SRSF12: variants seen among roughly 807,000 people sequenced by gnomAD.
SRSF12 encodes serine and arginine rich splicing factor 12.
Under a neutral mutation model 34.1 loss-of-function variants are expected in SRSF12, and 21 were observed. The ratio of observed to expected loss-of-function variants is 0.62; its 90% confidence interval spans 0.44 to 0.89. The LOEUF (loss-of-function observed/expected upper bound fraction) is 0.89. Among genes scored for constraint, SRSF12 ranks in the 40% least tolerant of loss-of-function variants. The probability of loss-of-function intolerance (pLI) is 0.00; values close to 1 mark genes in which losing one functional copy is unlikely to be tolerated. For synonymous variants in SRSF12, 111 were observed against 110.8 expected (o/e 1.00, Z -0.01); for missense variants, 278 against 327.8 (o/e 0.85, Z 1.17).
At chr6:89,099,538 G>GTTTT (rs201450623) in intron 4 of SRSF12, among the ~76,000 whole-genome samples, 1 of 126,234 alleles carries the variant, frequency 7.9e-6, no homozygotes, top group African/African-American at 3.2e-5. Context: ...ACACATACAT[G>GTTTT]TTTTTTTTTT....
At chr6:89,103,750 G>A (rs191293903) in intron 4 of SRSF12, among the ~76,000 whole-genome samples, 1,862 of 152,054 alleles carry the variant, frequency 0.012, 28 homozygotes, top group Non-Finnish European at 0.015. Context: ...GTGAGCCACT[G>A]CACCTGGTCC....
Position 89,105,157 on chromosome 6 carries a change from T to G in SRSF12, c.378A>C (p.Ser126=), listed in dbSNP as rs772119366. The G allele has an allele frequency of 8.2e-5, 133 of 1,612,724 alleles. No homozygotes were observed. The highest frequency in any genetic ancestry group is 1.1e-4 in the Non-Finnish European group (129 of 1,179,324). Residue 126 remains serine, a synonymous_variant, in exon 4 of 5, where the codon TCA becomes TCC. Coordinates refer to ENST00000452027, the MANE Select transcript of SRSF12 (RefSeq NM_080743.5). ...SQRRTRSRSS[S]WGRNRRRSDS... is the part of the protein sequence containing the mutation. ...CTGACCGCCTCCTATTTCTTCCCCA[T>G]GAAGAACTTCTACTTCGAGTTCTTC...
At position 89,098,631 on chromosome 6, in the gene SRSF12, G is replaced by T; in HGVS notation, c.733C>A (p.His245Asn). Residue 245 changes from histidine to asparagine, a missense_variant, in exon 5 of 5, where the codon CAT (histidine) becomes AAT (asparagine). By Grantham distance (68) the His-to-Asn change is moderately conservative. Transcript: ENST00000452027. Reference protein sequence around the residue: ...ETKVQTAKHSHFRSHSRSRSY... With the variant: ...ETKVQTAKHSNFRSHSRSRSY... Reference sequence around the variant, plus strand: ...CGAGATCTGGAATGTGACCGAAAATGAGAATGCTTTGCTGTTTGTACTTTA... The same window carrying T: ...CGAGATCTGGAATGTGACCGAAAATTAGAATGCTTTGCTGTTTGTACTTTA... 1 of 1,613,820 alleles carries T rather than the reference G, an allele frequency of 6.2e-7. No homozygotes were observed. The highest frequency in any genetic ancestry group is 1.1e-5 in the South Asian group (1 of 91,028).
intron 1 of SRSF12, among the ~76,000 whole-genome samples, chr6:89,115,700 G>A (rs1255476267): frequency 2.7e-5 from 4 of 148,116 alleles, no homozygotes; most frequent in Non-Finnish European, 5.9e-5. Flanking sequence ...GCAGTGGCGC[G>A]ATGTTGGCTC....
At chr6:89,102,499 TCA>T (rs549822843) in intron 4 of SRSF12, among the ~76,000 whole-genome samples, 14 of 152,250 alleles carry the variant, frequency 9.2e-5, no homozygotes, top group South Asian at 4.1e-4. Flanking sequence ...TGGAATAAAT[TCA>T]CAGTCTTTTA....
intron 1 of SRSF12, among the ~76,000 whole-genome samples, chr6:89,116,890 C>T (rs977192308): frequency 3.3e-5 from 5 of 152,096 alleles, no homozygotes; most frequent in Non-Finnish European, 5.9e-5. Flanking sequence ...TGTATCTATA[C>T]CTCTCTGGCC....
chr6:89,105,104 T>C lies in SRSF12; in HGVS notation c.416+15A>G, dbSNP rs1415013237. On this transcript the variant is annotated intron_variant, in intron 4 of 4. Transcript: ENST00000452027. ...AAAAAGTAGAAAATGAAATTTTCAG[T>C]CCTCTTATACTCACTCTTTAAGGCT... 1.3e-6 allele frequency: 2 copies of C among 1,554,164 alleles called. No individual in the cohort carries two copies. The highest frequency in any genetic ancestry group is 1.7e-6 in the Non-Finnish European group (2 of 1,148,726).
intron 1 of SRSF12, among the ~76,000 whole-genome samples, chr6:89,117,035 C>G (rs1016400875): frequency 6.6e-6 from 1 of 151,930 alleles, no homozygotes; most frequent in African/African-American, 2.4e-5. Context: ...CGTTCCCTCT[C>G]CCCCCGCCCC....
rs186215568 is a variant in SRSF12 at position 89,106,819 on chromosome 6, T to G, written c.170+335A>C. On this transcript the variant is annotated intron_variant, in intron 2 of 4. Coordinates refer to ENST00000452027, the MANE Select transcript of SRSF12 (RefSeq NM_080743.5). ...GAGTAAATGTAGGAAAGCCGAAGTCTCAACCTGGTGTTGGCTTTGTCTTTT... is the reference window on the plus strand; with the variant it reads ...GAGTAAATGTAGGAAAGCCGAAGTCGCAACCTGGTGTTGGCTTTGTCTTTT... 2.0e-4 allele frequency: 73 copies of G among 365,912 alleles called. No homozygotes were observed. In the East Asian group the frequency reaches 4.9e-3, roughly 25 times the overall value. The allele number at this position is 365,912 out of a possible 1,614,324, so 22.7% of individuals were successfully genotyped here.
At chr6:89,102,394 G>A (rs1188177775) in intron 4 of SRSF12, among the ~76,000 whole-genome samples, 1 of 152,110 alleles carries the variant, frequency 6.6e-6, no homozygotes, top group Non-Finnish European at 1.5e-5. Context: ...GCCTCCCAAA[G>A]TGCTGAGATG....
intron 1 of SRSF12, among the ~76,000 whole-genome samples, chr6:89,109,581 G>C (rs1052802347): frequency 1.3e-5 from 2 of 152,186 alleles, no homozygotes; most frequent in Admixed American, 6.5e-5. Context: ...ATATAAAAGA[G>C]GAGGCTGCAG....
Position 89,105,151 on chromosome 6 carries a change from T to C in SRSF12, c.384A>G (p.Gly128=), listed in dbSNP as rs775183140. 10 of 1,612,778 alleles carry C rather than the reference T, an allele frequency of 6.2e-6. No homozygotes were observed. Among genetic ancestry groups the C allele is most frequent in the Middle Eastern group, 3.3e-4 (2 of 6,060 alleles). ...RRTRSRSSSW[G]RNRRRSDSLK... is the part of the protein sequence containing the mutation. ...GGCTGTCTGACCGCCTCCTATTTCTTCCCCATGAAGAACTTCTACTTCGAG... is the reference window on the plus strand; with the variant it reads ...GGCTGTCTGACCGCCTCCTATTTCTCCCCCATGAAGAACTTCTACTTCGAG... Residue 128 remains glycine (G), a synonymous_variant, in exon 4 of 5, where the codon GGA becomes GGG. Transcript: ENST00000452027.
At position 89,098,552 on chromosome 6, in the gene SRSF12, C is replaced by G. The variant is rs763004336; in HGVS notation, c.*26G>C. On this transcript the variant is annotated 3_prime_UTR_variant, in exon 5 of 5. Transcript: ENST00000452027. ...AGAGTTTAATAACTTATATTAAAGACGGCGTGGTGCTCTTTCTGTTGCTGT... is the reference window on the plus strand; with the variant it reads ...AGAGTTTAATAACTTATATTAAAGAGGGCGTGGTGCTCTTTCTGTTGCTGT... 2.5e-6 allele frequency: 4 copies of G among 1,571,250 alleles called. No homozygotes were observed. In the African/African-American group the frequency reaches 5.5e-5, roughly 21 times the overall value.
chr6:89,115,909 A>G (rs1769274352), intron 1 of SRSF12, among the ~76,000 whole-genome samples: 1 of 152,188 alleles, frequency 6.6e-6, no homozygotes, highest in Non-Finnish European at 1.5e-5. Context: ...TGCTGTGATT[A>G]CAGGCATGAG....
rs192421339 is a variant in SRSF12, at chr6:89,115,031, C to T, written c.65+2792G>A. On this transcript the variant is annotated intron_variant, in intron 1 of 4. Coordinates refer to ENST00000452027, the MANE Select transcript of SRSF12 (RefSeq NM_080743.5). Reference sequence around the variant, plus strand: ...CAGGCTGGTCTCAAACTCCTAATTTCGTGATCTGCCCACCTCGGCCTCCCA... The same window carrying T: ...CAGGCTGGTCTCAAACTCCTAATTTTGTGATCTGCCCACCTCGGCCTCCCA... Among the ~76,000 whole-genome samples, 123 of 152,198 alleles carry T rather than the reference C, an allele frequency of 8.1e-4. 1 individual carries two copies. The highest frequency in any genetic ancestry group is 7.7e-3 in the East Asian group (40 of 5,172).
In SRSF12 at chr6:89,118,007, C is replaced by G. The variant is rs1582285799; in HGVS notation, c.-120G>C. On this transcript the variant is annotated 5_prime_UTR_variant, in exon 1 of 5. Transcript: ENST00000452027. ...CCCCGGCGCGACCCCCACCCCTCGG[C>G]CTCAGCCCCGCCAGCGCGCAGCCGC... 7 of 1,078,846 alleles carry G rather than the reference C, an allele frequency of 6.5e-6. No homozygotes were observed. The highest frequency in any genetic ancestry group is 9.0e-6 in the Non-Finnish European group (7 of 781,112). The allele number at this position is 1,078,846 out of a possible 1,614,324, so 66.8% of individuals were successfully genotyped here.
At chr6:89,115,221 C>A (rs1356485703) in intron 1 of SRSF12, among the ~76,000 whole-genome samples, 1 of 152,190 alleles carries the variant, frequency 6.6e-6, no homozygotes, top group Non-Finnish European at 1.5e-5. Context: ...GCTCCCACCT[C>A]AGCTTTCCCA....
intron 1 of SRSF12, among the ~76,000 whole-genome samples, chr6:89,114,279 T>C (rs938485953): frequency 6.6e-6 from 1 of 152,062 alleles, no homozygotes; most frequent in African/African-American, 2.4e-5. Flanking sequence ...AATACAAAAA[T>C]TAGCCAGGCA....
intron 1 of SRSF12, among the ~76,000 whole-genome samples, chr6:89,111,355 A>G (rs895852083): frequency 6.6e-6 from 1 of 152,160 alleles, no homozygotes; most frequent in Non-Finnish European, 1.5e-5. Context: ...TTTTTGGTGC[A>G]AAGGTTCTGC....
Sources: gnomAD v4.1 joint callset for allele counts (sites outside exome capture counted in the v4.1 genomes callset) on GRCh38, gnomAD v4.1.1 for gene constraint, MANE v1.5 for transcripts, NCBI Gene and HGNC (gene_info 2026-07-23, HGNC 2026-07-21) for gene names.